HSP90AA1: variants seen among roughly 807,000 people sequenced by gnomAD.
The protein encoded by HSP90AA1 is heat shock protein 90 alpha family class A member 1.
A neutral mutation model predicts 73.3 loss-of-function variants in HSP90AA1; 18 were observed. That is an observed-to-expected ratio of 0.25 (90% CI 0.17 to 0.36). The LOEUF is 0.36. Among genes scored for constraint, HSP90AA1 ranks in the 10% least tolerant of loss-of-function variants. HSP90AA1 has a pLI of 1.00. For synonymous variants in HSP90AA1, 477 were observed against 296.9 expected (o/e 1.61, Z -6.24); for missense variants, 704 against 874.2 (o/e 0.81, Z 2.45).
At chr14:102,103,817 A>C (rs375832674) in intron 1 of HSP90AA1, among the ~76,000 whole-genome samples, 4 of 152,030 alleles carry the variant, frequency 2.6e-5, no homozygotes, top group East Asian at 3.9e-4. Flanking sequence ...AACAAAAAAA[A>C]AAAAACAAAA....
At chr14:102,093,660 A>C (rs987916162) in intron 2 of HSP90AA1, among the ~76,000 whole-genome samples, 2 of 152,036 alleles carry the variant, frequency 1.3e-5, no homozygotes, top group Non-Finnish European at 2.9e-5. Context: ...ATCTCTCTAC[A>C]ATAGGTGTGA....
intron 1 of HSP90AA1, among the ~76,000 whole-genome samples, chr14:102,127,742 T>G (rs991352504): frequency 6.6e-6 from 1 of 152,074 alleles, no homozygotes; most frequent in African/African-American, 2.4e-5. Context: ...GCCTCAACTT[T>G]CTGGGCTCAA....
rs763286018 is a variant in HSP90AA1, at chr14:102,083,007, T to TG, written c.1755+26dup. The TG allele has an allele frequency of 3.1e-6, 5 of 1,606,490 alleles. No individual in the cohort carries two copies. In the Admixed American group the frequency reaches 8.3e-5, roughly 27 times the overall value. The stretch of plus-strand genomic sequence containing the variant: ...CTTGAAAGCACCTTAGAAGTATCAA[T>TG]GATCAGGAAATGCTGTATTCACATA... On this transcript the variant is annotated intron_variant, in intron 9 of 10. Coordinates refer to ENST00000216281, the MANE Select transcript of HSP90AA1 (RefSeq NM_005348.4).
At chr14:102,139,412 C>G (rs1410174653) in exon 1 of HSP90AA1, 1 of 1,550,326 alleles carries the variant, frequency 6.5e-7, no homozygotes, top group African/African-American at 1.4e-5. Flanking sequence ...CATCCGCGCT[C>G]CCCGTAGGGT....
intron 3 of HSP90AA1, 30 bp from the exon 4 acceptor site, chr14:102,085,461 ATACATTCAATT>A (rs761978953): frequency 2.6e-5 from 42 of 1,599,448 alleles, no homozygotes; most frequent in Non-Finnish European, 3.5e-5. Flanking sequence ...AATTGACTTA[ATACATTCAATT>A]TAGTGCTCAA....
intron 1 of HSP90AA1, among the ~76,000 whole-genome samples, chr14:102,106,918 A>G (rs1232909577): frequency 6.6e-6 from 1 of 151,960 alleles, no homozygotes; most frequent in Non-Finnish European, 1.5e-5. Context: ...ATCCTGAAGA[A>G]TGACACAATC....
Position 102,134,913 on chromosome 14 carries a change from G to C in HSP90AA1, c.155+4337C>G, listed in dbSNP as rs573536782. On this transcript the variant is annotated intron_variant, in intron 1 of 11. Coordinates refer to the HSP90AA1 transcript ENST00000334701. ...ACATCCTGCTGATTGGTAGAGCCGA[G>C]TGGCCTGTTTTGTCAGGCCGCTGAT... Among the ~76,000 whole-genome samples the C allele has an allele frequency of 4.8e-4, 73 of 152,322 alleles. 2 individuals are homozygous for C. Among genetic ancestry groups the C allele is most frequent in the Middle Eastern group, 6.8e-3 (2 of 294 alleles).
chr14:102,080,934 T>A lies in HSP90AA1; in HGVS notation c.*778A>T, dbSNP rs930546203. ...CATGCTGGGAAGACCATGTCAACCC[T>A]TGGAGCAGCTAGTGTTTAACCATCT... On this transcript the variant is annotated 3_prime_UTR_variant, in exon 11 of 11. Coordinates refer to ENST00000216281, the MANE Select transcript of HSP90AA1 (RefSeq NM_005348.4). The A allele has an allele frequency of 4.4e-6, 1 of 228,148 alleles. No homozygotes were observed. Among genetic ancestry groups the A allele is most frequent in the African/African-American group, 2.2e-5 (1 of 44,978 alleles). The allele number at this position is 228,148 out of a possible 1,614,324, so 14.1% of individuals were successfully genotyped here.
At chr14:102,135,797 T>C (rs1226697672) in intron 1 of HSP90AA1, among the ~76,000 whole-genome samples, 1 of 152,246 alleles carries the variant, frequency 6.6e-6, no homozygotes, top group Non-Finnish European at 1.5e-5. Context: ...GCTGGCTGGC[T>C]ACTCCAAGTG....
chr14:102,083,634 G>A lies in HSP90AA1; in HGVS notation c.1398C>T (p.Tyr466=), dbSNP rs140441571. 1,269 of 1,612,318 alleles carry A rather than the reference G, an allele frequency of 7.9e-4. 2 individuals carry two copies. The highest frequency in any genetic ancestry group is 9.6e-4 in the Non-Finnish European group (1,134 of 1,178,856). Reference sequence around the variant, plus strand: ...CCATCTCATCACCAGAGGCAGATGTGTAGTACCTTAACAGCTCTGAAAGCT... The same window carrying A: ...CCATCTCATCACCAGAGGCAGATGTATAGTACCTTAACAGCTCTGAAAGCT... ...RKKLSELLRY[Y]TSASGDEMVS... is the part of the protein sequence containing the mutation. Residue 466 remains tyrosine, a synonymous_variant, in exon 8 of 11, where the codon TAC becomes TAT. Transcript: ENST00000216281.
chr14:102,084,936 T>C lies in HSP90AA1; in HGVS notation c.726A>G (p.Glu242=). 1 of 1,596,368 alleles carries C rather than the reference T, an allele frequency of 6.3e-7. No homozygotes were observed. Among genetic ancestry groups the C allele is most frequent in the Non-Finnish European group, 8.6e-7 (1 of 1,164,098 alleles). Residue 242 remains glutamate (E), a synonymous_variant, in exon 5 of 11, where the codon GAA becomes GAG. Coordinates refer to ENST00000216281, the MANE Select transcript of HSP90AA1 (RefSeq NM_005348.4). ...DDEAEEKEDK[E]EEKEKEEKES... Reference sequence around the variant, plus strand: ...CTTTCTCTTCTTTTTCTTTTTCTTCTTCTTTGTCTTCCTTTTCTTCAGCCT... The same window carrying C: ...CTTTCTCTTCTTTTTCTTTTTCTTCCTCTTTGTCTTCCTTTTCTTCAGCCT...
chr14:102,090,512 C>T (rs545838387), upstream of HSP90AA1, among the ~76,000 whole-genome samples: 3 of 151,300 alleles, frequency 2.0e-5, no homozygotes, highest in South Asian at 4.2e-4. Context: ...TGCAGTGGTG[C>T]GATCTTGGCT....
intron 1 of HSP90AA1, among the ~76,000 whole-genome samples, chr14:102,134,831 C>A (rs2049962831): frequency 6.6e-6 from 1 of 152,146 alleles, no homozygotes; most frequent in African/African-American, 2.4e-5. Context: ...TGAACCCGAG[C>A]GGGTTGCCAA....
chr14:102,084,084 A>G (rs2049162173), intron 6 of HSP90AA1, 101 bp from the exon 7 acceptor site: 1 of 946,646 alleles, frequency 1.1e-6, no homozygotes, highest in Admixed American at 2.0e-5. Flanking sequence ...GATGGGACGT[A>G]TTTTTGAGAC....
At chr14:102,088,213 A>T (rs2049295820), upstream of HSP90AA1, among the ~76,000 whole-genome samples, 1 of 152,096 alleles carries the variant, frequency 6.6e-6, no homozygotes, top group Non-Finnish European at 1.5e-5. Context: ...ATTTTCGGAT[A>T]TTTTGGCCAA....
upstream of HSP90AA1, among the ~76,000 whole-genome samples, chr14:102,087,965 T>TTG (rs2049290531): frequency 1.4e-5 from 2 of 145,338 alleles, no homozygotes; most frequent in Non-Finnish European, 3.0e-5. Context: ...TTTTTTTTTT[T>TTG]GGACAGGCTC....
chr14:102,139,713 C>T, upstream of HSP90AA1: 2 of 743,506 alleles, frequency 2.7e-6, no homozygotes, highest in Non-Finnish European at 4.3e-6. Flanking sequence ...GACGCCCAGT[C>T]GGGTGGAGCA....
At chr14:102,093,797 A>T (rs1013589138) in intron 2 of HSP90AA1, among the ~76,000 whole-genome samples, 4 of 151,954 alleles carry the variant, frequency 2.6e-5, no homozygotes, top group African/African-American at 9.7e-5. Flanking sequence ...ACGTGGTGAA[A>T]CCCCAGCTCT....
intron 6 of HSP90AA1, 182 bp from the exon 7 acceptor site, chr14:102,084,165 G>C (rs1198405980): frequency 8.6e-6 from 6 of 694,408 alleles, no homozygotes; most frequent in East Asian, 2.7e-5. Context: ...TGCCTCCCGG[G>C]GGGGTTCAAG....
Sources: allele counts gnomAD v4.1 joint callset (sites outside exome capture counted in the v4.1 genomes callset), GRCh38; gene constraint gnomAD v4.1.1; transcripts MANE v1.5; gene names NCBI Gene and HGNC (gene_info 2026-07-23, HGNC 2026-07-21).